The following RBFOX1 variants were observed in gnomAD, a reference collection of about 807,000 sequenced individuals.
RBFOX1 encodes the protein RNA binding protein fox-1 homolog 1.
In RBFOX1, 8 loss-of-function variants were observed where a neutral mutation model predicts 57.7. That is an observed-to-expected ratio of 0.14 (90% CI 0.08 to 0.25). RBFOX1 has a LOEUF of 0.25. Among genes scored for constraint, RBFOX1 ranks in the 10% least tolerant of loss-of-function variants. The pLI is 1.00. For synonymous variants in RBFOX1, 326 were observed against 222.4 expected (o/e 1.47, Z -4.15); for missense variants, 611 against 548.5 (o/e 1.11, Z -1.14).
chr16:7,401,731 G>T (rs2098247243), intron 4 of RBFOX1, among the ~76,000 whole-genome samples: 1 of 152,142 alleles, frequency 6.6e-6, no homozygotes. Context: ...ATGAGGAAAT[G>T]TATTTGAAAA....
At chr16:6,573,385 C>T (rs2097372835) in intron 2 of RBFOX1, among the ~76,000 whole-genome samples, 2 of 152,152 alleles carry the variant, frequency 1.3e-5, no homozygotes, top group Admixed American at 1.3e-4. Context: ...AATTTCTTTA[C>T]AGCTGTTACT....
chr16:7,552,262 C>G (rs1476262900), intron 5 of RBFOX1, among the ~76,000 whole-genome samples: 2 of 152,120 alleles, frequency 1.3e-5, no homozygotes, highest in Non-Finnish European at 2.9e-5. Flanking sequence ...TTCTTTATTT[C>G]CATGTCTATG....
intron 4 of RBFOX1, among the ~76,000 whole-genome samples, chr16:7,473,806 C>G (rs1027405510): frequency 2.1e-4 from 32 of 152,094 alleles, no homozygotes; most frequent in Admixed American, 7.2e-4. Context: ...TTCTCATCTA[C>G]TAATTGCTTT....
At chr16:6,693,911 C>T (rs1234545585) in intron 3 of RBFOX1, among the ~76,000 whole-genome samples, 1 of 152,230 alleles carries the variant, frequency 6.6e-6, no homozygotes. Context: ...TGAGAATCAT[C>T]TAATTGACTG....
chr16:7,053,894 T>C (rs1246179404), intron 4 of RBFOX1, among the ~76,000 whole-genome samples: 1 of 152,138 alleles, frequency 6.6e-6, no homozygotes, highest in East Asian at 1.9e-4. Flanking sequence ...TTTGAATTGA[T>C]AGATGGCACA....
chr16:6,144,673 G>T (rs112520782), intron 1 of RBFOX1, among the ~76,000 whole-genome samples: 2 of 152,230 alleles, frequency 1.3e-5, no homozygotes, highest in African/African-American at 4.8e-5. Flanking sequence ...GGAGAAGCAC[G>T]ATGCTGTCAG....
intron 4 of RBFOX1, among the ~76,000 whole-genome samples, chr16:7,148,288 C>A (rs971507426): frequency 3.3e-5 from 5 of 152,170 alleles, no homozygotes; most frequent in African/African-American, 1.2e-4. Context: ...GTATTATTTA[C>A]AAAGGAGTTT....
intron 2 of RBFOX1, among the ~76,000 whole-genome samples, chr16:5,471,380 T>G (rs965027916): frequency 5.3e-5 from 8 of 152,196 alleles, no homozygotes; most frequent in Middle Eastern, 3.2e-3. Flanking sequence ...TTTCAGTATT[T>G]CAGTGACTGG....
At chr16:5,568,605 T>C (rs1207990742) in intron 2 of RBFOX1, among the ~76,000 whole-genome samples, 1 of 152,158 alleles carries the variant, frequency 6.6e-6, no homozygotes, top group East Asian at 1.9e-4. Context: ...CTGTCTTCTG[T>C]TGTCTGCAGT....
intron 4 of RBFOX1, among the ~76,000 whole-genome samples, chr16:5,973,595 T>A (rs1596324652): frequency 6.6e-6 from 1 of 152,236 alleles, no homozygotes; most frequent in Non-Finnish European, 1.5e-5. Flanking sequence ...TTGTGTCAGG[T>A]TGACTAGGCC....
chr16:6,560,458 G>A (rs1485582192), intron 2 of RBFOX1, among the ~76,000 whole-genome samples: 2 of 152,194 alleles, frequency 1.3e-5, no homozygotes, highest in African/African-American at 4.8e-5. Flanking sequence ...AGCATTCCAG[G>A]CAGTGAAAAC....
At chr16:5,779,245 A>G (rs1031268200) in intron 3 of RBFOX1, among the ~76,000 whole-genome samples, 4 of 152,186 alleles carry the variant, frequency 2.6e-5, no homozygotes, top group Non-Finnish European at 5.9e-5. Context: ...TCCCTCTGTC[A>G]GTCTCTGTCC....
chr16:7,663,463 C>A (rs1440281925), intron 12 of RBFOX1, among the ~76,000 whole-genome samples: 1 of 151,930 alleles, frequency 6.6e-6, no homozygotes, highest in Non-Finnish European at 1.5e-5. Flanking sequence ...GAGTGTTCTC[C>A]AGCAAACCAG....
intron 4 of RBFOX1, among the ~76,000 whole-genome samples, chr16:7,121,596 C>T (rs920836209): frequency 1.3e-5 from 2 of 151,904 alleles, no homozygotes; most frequent in African/African-American, 4.8e-5. Context: ...GATTCAAAGA[C>T]TCATTGTAGT....
chr16:5,744,292 C>T (rs1294495693), intron 3 of RBFOX1, among the ~76,000 whole-genome samples: 1 of 152,130 alleles, frequency 6.6e-6, no homozygotes, highest in African/African-American at 2.4e-5. Flanking sequence ...GTTCCCGCAG[C>T]ACCTTGAACC....
intron 3 of RBFOX1, among the ~76,000 whole-genome samples, chr16:6,668,324 A>C (rs2098745104): frequency 6.6e-6 from 1 of 152,306 alleles, no homozygotes; most frequent in South Asian, 2.1e-4. Context: ...AGGGTGGAGG[A>C]GTGAGAGCCA....
chr16:6,707,423 C>T (rs979236077), intron 3 of RBFOX1, among the ~76,000 whole-genome samples: 27 of 151,158 alleles, frequency 1.8e-4, no homozygotes, highest in Admixed American at 1.2e-3. Context: ...CAATTGTCTT[C>T]CTTAAACTAC....
chr16:5,670,485 G>T (rs2049983709), intron 3 of RBFOX1, among the ~76,000 whole-genome samples: 1 of 152,174 alleles, frequency 6.6e-6, no homozygotes. Context: ...GCTGAGCTAT[G>T]GAAGATATGG....
At chr16:6,231,233 T>TA (rs1248195808) in intron 1 of RBFOX1, among the ~76,000 whole-genome samples, 7 of 87,834 alleles carry the variant, frequency 8.0e-5, no homozygotes, top group Admixed American at 4.3e-4. Flanking sequence ...TGTGTGTGTG[T>TA]GTGTAGGTGT....
Sources: gnomAD v4.1 joint callset for allele counts (sites outside exome capture counted in the v4.1 genomes callset) on GRCh38, gnomAD v4.1.1 for gene constraint, MANE v1.5 for transcripts, NCBI Gene and HGNC (gene_info 2026-07-23, HGNC 2026-07-21) for gene names.